Variants in PLCXD3 observed in about 807,000 individuals in gnomAD.
PLCXD3 encodes PI-PLC X domain-containing protein 3.
Under a neutral mutation model 25.5 loss-of-function variants are expected in PLCXD3, and 19 were observed. The ratio of observed to expected loss-of-function variants is 0.75; its 90% confidence interval spans 0.52 to 1.09. The LOEUF (loss-of-function observed/expected upper bound fraction) is 1.09. Among genes scored for constraint, PLCXD3 ranks in the 50% least tolerant of loss-of-function variants. The probability of loss-of-function intolerance (pLI) is 0.00; values close to 1 mark genes in which losing one functional copy is unlikely to be tolerated. For synonymous variants in PLCXD3, 174 were observed against 137.6 expected (o/e 1.26, Z -1.85); for missense variants, 411 against 388.1 (o/e 1.06, Z -0.50).
At chr5:41,441,790 C>A (rs1157130769) in intron 1 of PLCXD3, among the ~76,000 whole-genome samples, 1 of 152,246 alleles carries the variant, frequency 6.6e-6, no homozygotes, top group African/African-American at 2.4e-5. Flanking sequence ...ATGTCCCCTG[C>A]CTATAGAATG....
chr5:41,482,039 G>A (rs1748425624), intron 1 of PLCXD3, among the ~76,000 whole-genome samples: 1 of 152,098 alleles, frequency 6.6e-6, no homozygotes, highest in Non-Finnish European at 1.5e-5. Flanking sequence ...AAATTTTGAT[G>A]TGAAAATGAA....
chr5:41,453,704 G>A lies in PLCXD3; in HGVS notation c.103+56720C>T, dbSNP rs1180354174. On this transcript the variant is annotated intron_variant, in intron 1 of 2. Transcript: ENST00000377801. ...TAAGTACAAAATATATTTCCTCAAT[G>A]GAATTTATAAGCTTTCTCTGCCTAG... is the stretch of plus-strand genomic sequence containing the variant. Among the ~76,000 whole-genome samples the A allele has an allele frequency of 2.6e-5, 4 of 151,966 alleles. No individual in the cohort carries two copies. In the East Asian group the frequency reaches 7.7e-4, roughly 29 times the overall value.
chr5:41,313,662 G>T lies in PLCXD3; in HGVS notation c.921C>A (p.Val307=). The T allele has an allele frequency of 1.9e-6, 3 of 1,613,908 alleles. No homozygotes were observed. The highest frequency in any genetic ancestry group is 2.5e-6 in the Non-Finnish European group (3 of 1,179,852). The change falls in exon 3 of 3, where the codon GTC becomes GTA. Residue 307 remains valine, a synonymous_variant. Coordinates refer to ENST00000377801, the MANE Select transcript of PLCXD3 (RefSeq NM_001005473.3). Reference sequence around the variant, plus strand: ...CATCAAAGACATAGTTGAGCTTTATGACAGTGCTGATAAAGTCACCAAGTT... The same window carrying T: ...CATCAAAGACATAGTTGAGCTTTATTACAGTGCTGATAAAGTCACCAAGTT... ...FVELGDFIST[V]IKLNYVFDEG...
At chr5:41,417,972 A>G (rs1746731862) in intron 1 of PLCXD3, among the ~76,000 whole-genome samples, 2 of 152,232 alleles carry the variant, frequency 1.3e-5, no homozygotes. Flanking sequence ...GGAATTATCT[A>G]TATGTTAGTT....
chr5:41,317,140 G>A (rs1743323634), intron 2 of PLCXD3, among the ~76,000 whole-genome samples: 1 of 152,226 alleles, frequency 6.6e-6, no homozygotes, highest in Admixed American at 6.5e-5. Flanking sequence ...CATTCCATCT[G>A]CAGGTTTAGG....
chr5:41,332,612 A>G (rs953804550), intron 2 of PLCXD3, among the ~76,000 whole-genome samples: 1 of 152,168 alleles, frequency 6.6e-6, no homozygotes, highest in African/African-American at 2.4e-5. Flanking sequence ...CCAAAGGACT[A>G]TAAATCATGC....
chr5:41,344,979 G>T (rs779129614), intron 2 of PLCXD3, among the ~76,000 whole-genome samples: 2 of 152,000 alleles, frequency 1.3e-5, no homozygotes, highest in Non-Finnish European at 2.9e-5. Context: ...GCAGATGTTA[G>T]CAAGTAATCA....
chr5:41,356,002 TA>T (rs201128928), intron 2 of PLCXD3, among the ~76,000 whole-genome samples: 2 of 152,056 alleles, frequency 1.3e-5, no homozygotes, highest in Non-Finnish European at 2.9e-5. Context: ...ATAACTTCTC[TA>T]AAAAAAACCC....
chr5:41,362,801 A>G (rs1440361862), intron 2 of PLCXD3, among the ~76,000 whole-genome samples: 1 of 152,220 alleles, frequency 6.6e-6, no homozygotes, highest in Non-Finnish European at 1.5e-5. Context: ...TAGTCCAGGA[A>G]GAAGAAATAA....
chr5:41,441,942 T>C (rs318065), intron 1 of PLCXD3, among the ~76,000 whole-genome samples: 2,640 of 152,306 alleles, frequency 0.017, 92 homozygotes, highest in African/African-American at 0.059. Context: ...AGGTCTCAAT[T>C]GTTGGGATTA....
At chr5:41,413,214 A>G (rs1472162875) in intron 1 of PLCXD3, among the ~76,000 whole-genome samples, 1 of 152,190 alleles carries the variant, frequency 6.6e-6, no homozygotes, top group Non-Finnish European at 1.5e-5. Flanking sequence ...AATACTTTGC[A>G]AGTGAATGAT....
At chr5:41,417,866 AG>A (rs1467687492) in intron 1 of PLCXD3, among the ~76,000 whole-genome samples, 1 of 152,234 alleles carries the variant, frequency 6.6e-6, no homozygotes, top group Non-Finnish European at 1.5e-5. Context: ...GGACTGGCCA[AG>A]CTGACTGAGC....
intron 1 of PLCXD3, among the ~76,000 whole-genome samples, chr5:41,501,802 A>G (rs1748957062): frequency 6.6e-6 from 1 of 152,068 alleles, no homozygotes; most frequent in Non-Finnish European, 1.5e-5. Context: ...CTGAAATGTC[A>G]AATAAGATGA....
At chr5:41,497,661 A>G (rs1748870047) in intron 1 of PLCXD3, among the ~76,000 whole-genome samples, 1 of 151,866 alleles carries the variant, frequency 6.6e-6, no homozygotes, top group Non-Finnish European at 1.5e-5. Context: ...GACTTCAACT[A>G]CAGTTTAGAC....
chr5:41,418,804 C>A (rs532764234), intron 1 of PLCXD3, among the ~76,000 whole-genome samples: 1 of 152,310 alleles, frequency 6.6e-6, no homozygotes, highest in East Asian at 1.9e-4. Context: ...AATCAGTCAT[C>A]ATTTTGGAGA....
At chr5:41,318,561 C>T (rs891289594) in intron 2 of PLCXD3, among the ~76,000 whole-genome samples, 2 of 152,102 alleles carry the variant, frequency 1.3e-5, no homozygotes, top group Non-Finnish European at 1.5e-5. Flanking sequence ...TATTTGCACA[C>T]TTCCTGGTAA....
intron 1 of PLCXD3, among the ~76,000 whole-genome samples, chr5:41,483,076 A>T (rs531725189): frequency 6.6e-6 from 1 of 152,202 alleles, no homozygotes; most frequent in African/African-American, 2.4e-5. Flanking sequence ...CTCAAGGTTC[A>T]TTCATTGGAC....
chr5:41,397,160 G>A (rs868287601), intron 1 of PLCXD3, among the ~76,000 whole-genome samples: 41 of 152,286 alleles, frequency 2.7e-4, no homozygotes, highest in Admixed American at 1.0e-3. Context: ...TATTGCTAGG[G>A]CATTTCAGAG....
At chr5:41,335,144 C>T (rs571938937) in intron 2 of PLCXD3, among the ~76,000 whole-genome samples, 6 of 152,258 alleles carry the variant, frequency 3.9e-5, no homozygotes, top group African/African-American at 1.4e-4. Context: ...TTTGGGTACT[C>T]AAAGCTCAAA....
Sources: allele counts gnomAD v4.1 joint callset (sites outside exome capture counted in the v4.1 genomes callset), GRCh38; gene constraint gnomAD v4.1.1; transcripts MANE v1.5; gene names NCBI Gene and HGNC (gene_info 2026-07-23, HGNC 2026-07-21).